DNAH7: variants seen among roughly 807,000 people sequenced by gnomAD.
DNAH7 encodes dynein axonemal heavy chain 7.
DNAH7 carries 397 observed loss-of-function variants against 444.6 expected under a neutral mutation model. The observed-to-expected ratio is 0.89, with a 90% CI of 0.82 to 0.97. DNAH7 has a LOEUF of 0.97. Ranked by LOEUF, DNAH7 falls within the 50% of genes least tolerant of loss-of-function variation. The pLI is 0.00. For missense variants in DNAH7, 4,902 were observed against 4,800.8 expected (o/e 1.02, Z -0.62); for synonymous variants, 1,636 against 1,624.4 (o/e 1.01, Z -0.17).
chr2:195,869,747 G>C (rs1448022014), intron 40 of DNAH7, among the ~76,000 whole-genome samples: 2 of 152,136 alleles, frequency 1.3e-5, no homozygotes, highest in Non-Finnish European at 2.9e-5. Context: ...GGCAGCCTGA[G>C]GGGAACAGGC....
chr2:195,866,681 C>T (rs1488246196), intron 40 of DNAH7, among the ~76,000 whole-genome samples: 1 of 152,172 alleles, frequency 6.6e-6, no homozygotes, highest in Non-Finnish European at 1.5e-5. Flanking sequence ...TTCCTGGGCC[C>T]CACAGTGGAT....
intron 48 of DNAH7, among the ~76,000 whole-genome samples, chr2:195,828,904 C>A (rs1697924760): frequency 6.6e-6 from 1 of 152,066 alleles, no homozygotes; most frequent in African/African-American, 2.4e-5. Flanking sequence ...TTCCAGTTAA[C>A]TCCAAACTTA....
At chr2:195,746,058 T>C (rs1052468617) in intron 63 of DNAH7, among the ~76,000 whole-genome samples, 6 of 152,108 alleles carry the variant, frequency 3.9e-5, no homozygotes, top group African/African-American at 9.7e-5. Flanking sequence ...GACTGGCAAA[T>C]TGGATAAAGA....
At chr2:196,035,469 G>A (rs1157554761) in intron 5 of DNAH7, among the ~76,000 whole-genome samples, 1 of 152,194 alleles carries the variant, frequency 6.6e-6, no homozygotes, top group African/African-American at 2.4e-5. Flanking sequence ...GAGAAGAGAA[G>A]ATGACAGAAG....
chr2:196,018,416 T>C (rs1159164712), intron 9 of DNAH7, among the ~76,000 whole-genome samples: 5 of 152,102 alleles, frequency 3.3e-5, no homozygotes, highest in Non-Finnish European at 7.4e-5. Context: ...ATCCCACTTT[T>C]GTGAATCTAT....
chr2:195,891,087 A>G (rs991609568), intron 31 of DNAH7, among the ~76,000 whole-genome samples: 5 of 152,172 alleles, frequency 3.3e-5, no homozygotes, highest in Non-Finnish European at 7.3e-5. Context: ...ATAAGCCAGG[A>G]GTAGGTTAAG....
At chr2:195,950,868 A>AAAAACAAAAAAC (rs1690194960) in intron 19 of DNAH7, among the ~76,000 whole-genome samples, 2 of 138,152 alleles carry the variant, frequency 1.4e-5, no homozygotes, top group Non-Finnish European at 1.6e-5. Flanking sequence ...AAAAAAAAAA[A>AAAAACAAAAAAC]AAAAAAAAAA....
intron 19 of DNAH7, among the ~76,000 whole-genome samples, chr2:195,942,333 G>A (rs1251578048): frequency 6.6e-6 from 1 of 151,840 alleles, no homozygotes; most frequent in African/African-American, 2.4e-5. Context: ...CAGTGTGTTT[G>A]TTATTTGAGA....
At chr2:196,027,441 A>G (rs1695758807) in intron 6 of DNAH7, among the ~76,000 whole-genome samples, 1 of 151,888 alleles carries the variant, frequency 6.6e-6, no homozygotes, top group South Asian at 2.1e-4. Context: ...TCATTTTAAA[A>G]CAAGTTATTA....
chr2:195,794,129 AGCAGGAATGAG>A (rs909383386), intron 57 of DNAH7, among the ~76,000 whole-genome samples, 198 bp downstream of exon 57: 1 of 152,202 alleles, frequency 6.6e-6, no homozygotes, highest in Non-Finnish European at 1.5e-5. Context: ...ATCTCAGCTG[AGCAGGAATGAG>A]GCTGGTGCTA....
intron 46 of DNAH7, among the ~76,000 whole-genome samples, chr2:195,848,412 C>G (rs895066040): frequency 6.6e-6 from 1 of 152,226 alleles, no homozygotes; most frequent in African/African-American, 2.4e-5. Flanking sequence ...AGATGGCACA[C>G]AATTTCATTT....
At chr2:195,852,664 T>C (rs1699440320) in intron 46 of DNAH7, among the ~76,000 whole-genome samples, 1 of 152,118 alleles carries the variant, frequency 6.6e-6, no homozygotes, top group Non-Finnish European at 1.5e-5. Context: ...GAAGAATAAT[T>C]AGGATTAACT....
chr2:195,998,586 A>C (rs1457862457), intron 12 of DNAH7, among the ~76,000 whole-genome samples: 1 of 151,326 alleles, frequency 6.6e-6, no homozygotes, highest in African/African-American at 2.4e-5. Context: ...AAAAAAAGTT[A>C]CTTTTCTTCA....
At chr2:195,989,273 T>C (rs189123391) in intron 12 of DNAH7, among the ~76,000 whole-genome samples, 1 of 152,352 alleles carries the variant, frequency 6.6e-6, no homozygotes, top group African/African-American at 2.4e-5. Flanking sequence ...TACTGTTTTC[T>C]ATATTGGCTG....
intron 17 of DNAH7, among the ~76,000 whole-genome samples, chr2:195,968,776 G>A (rs575790558): frequency 2.4e-4 from 36 of 152,270 alleles, no homozygotes; most frequent in South Asian, 4.1e-4. Flanking sequence ...ACAGTGGCAC[G>A]GCCTGCTGAG....
chr2:195,941,511 T>C (rs1026342726), intron 19 of DNAH7, among the ~76,000 whole-genome samples: 4 of 143,880 alleles, frequency 2.8e-5, no homozygotes, highest in Admixed American at 2.1e-4. Flanking sequence ...CACCATGACA[T>C]ATGTATACGA....
chr2:196,044,586 T>G (rs553377134), intron 5 of DNAH7, among the ~76,000 whole-genome samples: 2 of 152,220 alleles, frequency 1.3e-5, no homozygotes, highest in South Asian at 4.2e-4. Flanking sequence ...CCCCAAAAAC[T>G]ACTGAAATAA....
Position 195,884,383 on chromosome 2 carries a change from T to C in DNAH7, c.5763+202A>G, listed in dbSNP as rs10497772. ...ATGTTCAGAGAAATCAACTAGTCCATGGCTATACAGAAAGAAAGTGACTTT... is the reference window on the plus strand; with the variant it reads ...ATGTTCAGAGAAATCAACTAGTCCACGGCTATACAGAAAGAAAGTGACTTT... On this transcript the variant is annotated intron_variant, in intron 35 of 64. Transcript: ENST00000312428. Among the ~76,000 whole-genome samples the C allele has an allele frequency of 0.019, 2,966 of 152,316 alleles. 248 individuals are homozygous for C. In the East Asian group the frequency reaches 0.27, roughly 14 times the overall value.
intron 57 of DNAH7, 124 bp from the exon 58 acceptor site, chr2:195,787,295 A>C (rs1695668073): frequency 1.0e-6 from 1 of 1,002,246 alleles, no homozygotes; most frequent in African/African-American, 1.7e-5. Flanking sequence ...ATTCATCCCA[A>C]ATTACAATTA....
Sources: allele counts gnomAD v4.1 joint callset (sites outside exome capture counted in the v4.1 genomes callset), GRCh38; gene constraint gnomAD v4.1.1; transcripts MANE v1.5; gene names NCBI Gene and HGNC (gene_info 2026-07-23, HGNC 2026-07-21).